Variants in AASDH observed in about 807,000 individuals in gnomAD.
The protein encoded by AASDH is aminoadipate-semialdehyde dehydrogenase.
In AASDH, 81 loss-of-function variants were observed where a neutral mutation model predicts 102.3. That is an observed-to-expected ratio of 0.79 (90% CI 0.66 to 0.95). The LOEUF (loss-of-function observed/expected upper bound fraction) is 0.95, where lower values mean the gene tolerates loss of function less well. AASDH is among the 40% of genes least tolerant of loss of function. AASDH has a pLI of 0.00. For missense variants in AASDH, 1,203 were observed against 1,266.2 expected (o/e 0.95, Z 0.76); for synonymous variants, 398 against 454.0 (o/e 0.88, Z 1.57).
In AASDH at chr4:56,350,043, G is replaced by A; in HGVS notation, c.1708C>T (p.Pro570Ser). ...TCAGGAACCCTCAAAAGATCTTCTG[G>A]GAGATTCAGAGTAGACTACAGATGA... ...QYLWKSTLNL[P>S]EDLLRVPDES... Residue 570 changes from proline to serine, a missense_variant, in exon 11 of 15, where the codon CCA (proline) becomes TCA (serine). Physicochemically the swap from Pro to Ser is moderately conservative, Grantham distance 74. Transcript: ENST00000205214. The A allele has an allele frequency of 6.3e-7, 1 of 1,593,738 alleles. No individual in the cohort carries two copies. Among genetic ancestry groups the A allele is most frequent in the Non-Finnish European group, 8.5e-7 (1 of 1,177,038 alleles).
In AASDH at chr4:56,350,018, T is replaced by C. The variant is rs1748820441; in HGVS notation, c.1733A>G (p.Asp578Gly). 6.2e-7 allele frequency: 1 copy of C among 1,603,348 alleles called. No homozygotes were observed. The stretch of plus-strand genomic sequence containing the variant: ...ACCACTATTTAAGAAGAGTGACTCA[T>C]CAGGAACCCTCAAAAGATCTTCTGG... ...NLPEDLLRVP[D>G]ESLFLNSGGD... Residue 578 changes from aspartate (D) to glycine (G), a missense_variant, in exon 11 of 15, where the codon GAT (aspartate) becomes GGT (glycine). Transcript: ENST00000205214.
At chr4:56,344,094 C>T (rs1748043481) in intron 12 of AASDH, among the ~76,000 whole-genome samples, 1 of 152,050 alleles carries the variant, frequency 6.6e-6, no homozygotes, top group Non-Finnish European at 1.5e-5. Context: ...TCTCTCTCTA[C>T]CTTATCATTG....
At chr4:56,352,222 G>A (rs536938954) in intron 9 of AASDH, among the ~76,000 whole-genome samples, 1 of 152,122 alleles carries the variant, frequency 6.6e-6, no homozygotes, top group East Asian at 1.9e-4. Flanking sequence ...GTCAATGTGG[G>A]TGGGCCACAG....
At chr4:56,378,889 A>AT (rs1220687770) in intron 3 of AASDH, among the ~76,000 whole-genome samples, 10 of 103,178 alleles carry the variant, frequency 9.7e-5, no homozygotes, top group East Asian at 2.7e-4. Context: ...TTTTTTATTT[A>AT]TTTTTTTTTT....
At chr4:56,368,463 G>C (rs368508752) in intron 5 of AASDH, among the ~76,000 whole-genome samples, 12 of 151,292 alleles carry the variant, frequency 7.9e-5, no homozygotes, top group South Asian at 2.1e-4. Context: ...AGACTTGGAA[G>C]CAACCCAAAT....
At chr4:56,369,663 A>T (rs1426947927) in intron 5 of AASDH, among the ~76,000 whole-genome samples, 1 of 152,194 alleles carries the variant, frequency 6.6e-6, no homozygotes, top group Non-Finnish European at 1.5e-5. Flanking sequence ...GTGGTGGCTC[A>T]CACCTGAAAT....
At chr4:56,363,172 G>C (rs912575219) in intron 5 of AASDH, among the ~76,000 whole-genome samples, 1 of 152,216 alleles carries the variant, frequency 6.6e-6, no homozygotes, top group African/African-American at 2.4e-5. Flanking sequence ...AGCGAGGCTG[G>C]GGGAGGGGCG....
chr4:56,349,686 AC>A lies in AASDH; in HGVS notation c.2064del (p.Leu688PhefsTer3). ...FVVLSRGSQI[L>X]SLNSTRFLTK... Reference sequence around the variant, plus strand: ...GTTAAAAACCTAGTGGAATTCAGAGACAAAATTTGACTCCCTCTGCTCAGTA... The same window carrying A: ...GTTAAAAACCTAGTGGAATTCAGAGAAAAATTTGACTCCCTCTGCTCAGTA... On this transcript the variant is annotated frameshift_variant, in exon 11 of 15. Coordinates refer to ENST00000205214, the MANE Select transcript of AASDH (RefSeq NM_181806.4). LOFTEE classifies it high-confidence loss of function. 1 of 1,614,228 alleles carries A rather than the reference AC, an allele frequency of 6.2e-7. No homozygotes were observed. The highest frequency in any genetic ancestry group is 8.5e-7 in the Non-Finnish European group (1 of 1,180,042).
At chr4:56,351,276 A>C in intron 10 of AASDH, 66 bp downstream of exon 10, 3 of 984,176 alleles carry the variant, frequency 3.0e-6, no homozygotes, top group Non-Finnish European at 4.6e-6. Context: ...TGTTAGGATA[A>C]TAGCAGTCCC....
chr4:56,340,508 C>T (rs1010864297), intron 14 of AASDH, among the ~76,000 whole-genome samples: 15 of 152,150 alleles, frequency 9.9e-5, no homozygotes, highest in African/African-American at 3.4e-4. Context: ...CTCTCTCTCA[C>T]TGCATATAAA....
At chr4:56,342,060 C>A (rs1204547128) in intron 14 of AASDH, among the ~76,000 whole-genome samples, 1 of 132,908 alleles carries the variant, frequency 7.5e-6, no homozygotes, top group Non-Finnish European at 1.5e-5. Context: ...TGCAGTGAGC[C>A]AAGATCACAC....
intron 11 of AASDH, 55 bp downstream of exon 11, chr4:56,349,208 G>A (rs777435605): frequency 1.3e-4 from 210 of 1,557,860 alleles, no homozygotes; most frequent in Non-Finnish European, 1.7e-4. Flanking sequence ...GGCCTATGAA[G>A]ATTATTGTAT....
At chr4:56,351,807 G>T (rs535599298) in intron 9 of AASDH, among the ~76,000 whole-genome samples, 5 of 151,646 alleles carry the variant, frequency 3.3e-5, no homozygotes, top group Admixed American at 3.3e-4. Context: ...CTAGCTACTC[G>T]GGAGGCTTAG....
At chr4:56,369,951 A>C (rs1041017849) in intron 5 of AASDH, among the ~76,000 whole-genome samples, 3 of 152,048 alleles carry the variant, frequency 2.0e-5, no homozygotes, top group African/African-American at 7.2e-5. Flanking sequence ...AATTAAAAAA[A>C]AAAAAAAAAA....
rs1753087381 is a variant in AASDH at position 56,382,482 on chromosome 4, TTTG to T, written c.343_345del (p.Gln115del). Reference sequence around the variant, plus strand: ...ATTGAAACATCCAGACTTACATTAATTTGTTTTTTTTCAACAAGGATATACTTT... The same window carrying T: ...ATTGAAACATCCAGACTTACATTAATTTTTTTTTCAACAAGGATATACTTT... On this transcript the variant is annotated inframe_deletion, in exon 3 of 15. Transcript: ENST00000205214. 6.4e-7 allele frequency: 1 copy of T among 1,563,932 alleles called. No individual in the cohort carries two copies. The highest frequency in any genetic ancestry group is 8.8e-7 in the Non-Finnish European group (1 of 1,140,152).
chr4:56,355,564 G>T, intron 5 of AASDH, 141 bp from the exon 6 acceptor site: 2 of 577,794 alleles, frequency 3.5e-6, no homozygotes, highest in Non-Finnish European at 2.8e-6. Context: ...ATCCCATTTG[G>T]AAAACTACTG....
At position 56,349,660 on chromosome 4, in the gene AASDH, T is replaced by C; in HGVS notation, c.2091A>G (p.Thr697=). The change falls in exon 11 of 15, where the codon ACA becomes ACG. Residue 697 remains threonine, a synonymous_variant. Coordinates refer to ENST00000205214, the MANE Select transcript of AASDH (RefSeq NM_181806.4). ...ILSLNSTRFL[T]KLGHCSSACP... ...AGGCTGAAGAGCAATGTCCTAACTT[T>C]GTTAAAAACCTAGTGGAATTCAGAG... 4 of 1,614,202 alleles carry C rather than the reference T, an allele frequency of 2.5e-6. No homozygotes were observed. Among genetic ancestry groups the C allele is most frequent in the Non-Finnish European group, 3.4e-6 (4 of 1,180,038 alleles).
At chr4:56,382,811 TG>T (rs1357450489) in intron 2 of AASDH, among the ~76,000 whole-genome samples, 1 of 152,230 alleles carries the variant, frequency 6.6e-6, no homozygotes, top group East Asian at 1.9e-4. Flanking sequence ...GGCTCACGCC[TG>T]TAATCCCAGC....
chr4:56,380,701 A>G (rs1752850664), intron 3 of AASDH, among the ~76,000 whole-genome samples: 1 of 152,196 alleles, frequency 6.6e-6, no homozygotes, highest in Non-Finnish European at 1.5e-5. Context: ...TGCCCTCCCA[A>G]TCATCCTGTC....
Sources: gnomAD v4.1 joint callset for allele counts (sites outside exome capture counted in the v4.1 genomes callset) on GRCh38, gnomAD v4.1.1 for gene constraint, MANE v1.5 for transcripts, NCBI Gene and HGNC (gene_info 2026-07-23, HGNC 2026-07-21) for gene names.